The following HTR2A variants were observed in gnomAD, a reference collection of about 807,000 sequenced individuals.
HTR2A encodes 5-hydroxytryptamine receptor 2A.
In HTR2A, 14 loss-of-function variants were observed where a neutral mutation model predicts 31.0. The ratio of observed to expected loss-of-function variants is 0.45; its 90% CI spans 0.30 to 0.71. The LOEUF (loss-of-function observed/expected upper bound fraction) is 0.71. Among genes scored for constraint, HTR2A ranks in the 30% least tolerant of loss-of-function variants. The pLI is 0.09. For synonymous variants in HTR2A, 209 were observed against 225.2 expected (o/e 0.93, Z 0.64); for missense variants, 442 against 573.3 (o/e 0.77, Z 2.34).
intron 3 of HTR2A, among the ~76,000 whole-genome samples, chr13:46,862,377 T>C (rs1458404542): frequency 6.6e-6 from 1 of 152,170 alleles, no homozygotes; most frequent in Non-Finnish European, 1.5e-5. Flanking sequence ...AGTGCAAAGG[T>C]AAGAACTGTG....
At chr13:46,858,383 G>A (rs1334076796) in intron 3 of HTR2A, among the ~76,000 whole-genome samples, 1 of 152,086 alleles carries the variant, frequency 6.6e-6, no homozygotes, top group Non-Finnish European at 1.5e-5. Flanking sequence ...GGCAGGAAAT[G>A]CTTGGAAGCT....
chr13:46,885,322 T>G (rs752669555), intron 3 of HTR2A, among the ~76,000 whole-genome samples: 2 of 151,802 alleles, frequency 1.3e-5, no homozygotes, highest in Non-Finnish European at 2.9e-5. Flanking sequence ...GGCGGGAGAG[T>G]TTATCACTCT....
At chr13:46,886,009 A>G (rs77759355) in intron 3 of HTR2A, among the ~76,000 whole-genome samples, 3,170 of 152,286 alleles carry the variant, frequency 0.021, 105 homozygotes, top group African/African-American at 0.072. Context: ...ATACATTGCA[A>G]ATATTTTTCG....
intron 3 of HTR2A, among the ~76,000 whole-genome samples, chr13:46,882,516 C>T (rs948310225): frequency 1.3e-5 from 2 of 152,084 alleles, no homozygotes; most frequent in African/African-American, 4.8e-5. Flanking sequence ...TGGGAGGAAA[C>T]ATTTAACTTT....
intron 3 of HTR2A, among the ~76,000 whole-genome samples, chr13:46,860,939 G>A (rs1287542073): frequency 6.6e-6 from 1 of 152,144 alleles, no homozygotes; most frequent in Non-Finnish European, 1.5e-5. Context: ...AAAAATGAAT[G>A]GCTCCCAGGC....
chr13:46,864,653 T>G (rs375747847), intron 3 of HTR2A, among the ~76,000 whole-genome samples: 1 of 152,194 alleles, frequency 6.6e-6, no homozygotes, highest in Non-Finnish European at 1.5e-5. Context: ...GAGAAGTTTG[T>G]TTTTCCCTTT....
intron 3 of HTR2A, among the ~76,000 whole-genome samples, chr13:46,877,877 A>C (rs1362901848): frequency 6.6e-6 from 1 of 152,076 alleles, no homozygotes; most frequent in Non-Finnish European, 1.5e-5. Flanking sequence ...GAGGATGAGA[A>C]GGCTTTTCAA....
intron 3 of HTR2A, among the ~76,000 whole-genome samples, chr13:46,848,555 G>A (rs1250871736): frequency 6.6e-6 from 1 of 152,186 alleles, no homozygotes; most frequent in African/African-American, 2.4e-5. Context: ...CTTCACAGAT[G>A]TCAGCACATT....
intron 3 of HTR2A, among the ~76,000 whole-genome samples, chr13:46,845,643 C>CAAAAAAAAAAAAAAAAAAAAA (rs11394720): frequency 8.9e-6 from 1 of 112,982 alleles, no homozygotes. Flanking sequence ...TTCATCACTC[C>CAAAAAAAAAAAAAAAAAAAAA]AAAAAAAAAA....
At chr13:46,894,619 A>G (rs1951086491) in intron 2 of HTR2A, among the ~76,000 whole-genome samples, 1 of 152,168 alleles carries the variant, frequency 6.6e-6, no homozygotes, top group South Asian at 2.1e-4. Context: ...AGCTATCATA[A>G]CCTGTCTCTA....
intron 3 of HTR2A, among the ~76,000 whole-genome samples, chr13:46,884,251 C>T (rs554824760): frequency 3.9e-5 from 6 of 152,320 alleles, no homozygotes; most frequent in African/African-American, 1.4e-4. Context: ...TTAAAACTTT[C>T]AAATTGTCTA....
At position 46,834,600 on chromosome 13, in the gene HTR2A, A is replaced by C; in HGVS notation, c.*237T>G. ...ATCATTTTAAAGACATATCATTTAC[A>C]ATGTTATAAATAAGTATCAGAAAGC... On this transcript the variant is annotated 3_prime_UTR_variant, in exon 4 of 4. Coordinates refer to ENST00000542664, the MANE Select transcript of HTR2A (RefSeq NM_000621.5). 4.2e-6 allele frequency: 2 copies of C among 480,002 alleles called. No individual in the cohort carries two copies. Among genetic ancestry groups the C allele is most frequent in the Non-Finnish European group, 7.3e-6 (2 of 273,036 alleles). The allele number at this position is 480,002 out of a possible 1,614,324, so 29.7% of individuals were successfully genotyped here.
chr13:46,876,008 T>G (rs1593439748), intron 3 of HTR2A, among the ~76,000 whole-genome samples: 1 of 152,338 alleles, frequency 6.6e-6, no homozygotes, highest in East Asian at 1.9e-4. Flanking sequence ...AAACTGATCT[T>G]GCTTATCTAA....
chr13:46,897,002 A>C lies in HTR2A; in HGVS notation c.-657T>G. 1.6e-6 allele frequency: 1 copy of C among 607,546 alleles called. No individual in the cohort carries two copies. Among genetic ancestry groups the C allele is most frequent in the Non-Finnish European group, 2.9e-6 (1 of 349,360 alleles). The allele number at this position is 607,546 out of a possible 1,614,324, so 37.6% of individuals were successfully genotyped here. A position where few individuals can be genotyped will look rare whatever the true frequency, so the allele number is the denominator to read the frequency against. On this transcript the variant is annotated 5_prime_UTR_variant, in exon 1 of 4. Coordinates refer to ENST00000542664, the MANE Select transcript of HTR2A (RefSeq NM_000621.5). ...AAGAACTGCATGGGAAAGTAGGAAG[A>C]GCTGTCTGCACCAAGGGACTCCTGG...
Position 46,880,947 on chromosome 13 carries a change from A to T in HTR2A, c.613+11443T>A, listed in dbSNP as rs1275779964. 2.6e-5 allele frequency among the ~76,000 whole-genome samples: 4 copies of T among 152,188 alleles called. No homozygotes were observed. The East Asian group carries it at 7.7e-4, about 29-fold the overall frequency. On this transcript the variant is annotated intron_variant, in intron 3 of 3. Transcript: ENST00000542664. ...GCCATGGATCATCTATGCTGTGCTA[A>T]GTGCTGTTTTATTGAGCATGTTTTC...
intron 3 of HTR2A, among the ~76,000 whole-genome samples, chr13:46,889,456 C>T (rs1951033409): frequency 6.6e-6 from 1 of 152,132 alleles, no homozygotes. Context: ...TACTTAAAGA[C>T]TTCAAGACTT....
At chr13:46,866,070 T>C (rs1283370190) in intron 3 of HTR2A, among the ~76,000 whole-genome samples, 1 of 152,218 alleles carries the variant, frequency 6.6e-6, no homozygotes, top group Non-Finnish European at 1.5e-5. Context: ...CTGGGAATCA[T>C]AAGAGGATTA....
At chr13:46,868,192 C>CA (rs770225674) in intron 3 of HTR2A, among the ~76,000 whole-genome samples, 10 of 152,202 alleles carry the variant, frequency 6.6e-5, no homozygotes, top group African/African-American at 2.2e-4. Context: ...AAGCACATAA[C>CA]ATTTAAATAA....
In HTR2A at chr13:46,831,917, G is replaced by A. The variant is rs1002537486; in HGVS notation, c.*2920C>T. ...AAAGTAGAGCAAGGTTTGTTACTCC[G>A]TTTTAATAGTATTCATTAAAAGTGA... On this transcript the variant is annotated 3_prime_UTR_variant, in exon 4 of 4. Coordinates refer to ENST00000542664, the MANE Select transcript of HTR2A (RefSeq NM_000621.5). 6.6e-6 allele frequency: 1 copy of A among 152,148 alleles called. No individual in the cohort carries two copies. The highest frequency in any genetic ancestry group is 2.4e-5 in the African/African-American group (1 of 41,420). 9.4% of individuals were successfully genotyped at this position (152,148 alleles called of 1,614,324 possible). A position where few individuals can be genotyped will look rare whatever the true frequency, so the allele number is the denominator to read the frequency against.
Sources: allele counts gnomAD v4.1 joint callset (sites outside exome capture counted in the v4.1 genomes callset), GRCh38; gene constraint gnomAD v4.1.1; transcripts MANE v1.5; gene names NCBI Gene and HGNC (gene_info 2026-07-23, HGNC 2026-07-21).